Variants in SH3BP1 observed in about 807,000 individuals in gnomAD.
SH3BP1 encodes the protein SH3 domain-binding protein 1.
Under a neutral mutation model 69.8 loss-of-function variants are expected in SH3BP1, and 46 were observed. That is an observed-to-expected ratio of 0.66 (90% confidence interval 0.52 to 0.84). The LOEUF (loss-of-function observed/expected upper bound fraction) is 0.84. Ranked by LOEUF, SH3BP1 falls within the 40% of genes least tolerant of loss-of-function variation. The pLI, the probability that SH3BP1 is intolerant of heterozygous loss-of-function variation, is 0.00. For missense variants in SH3BP1, 868 were observed against 930.9 expected (o/e 0.93, Z 0.88); for synonymous variants, 403 against 378.0 (o/e 1.07, Z -0.77).
intron 10 of SH3BP1, among the ~76,000 whole-genome samples, chr22:37,646,288 TCG>T (rs1334028967): frequency 6.8e-6 from 1 of 148,066 alleles, no homozygotes. Context: ...AGACAGGATC[TCG>T]CTCTGTCACC....
intron 9 of SH3BP1, 200 bp downstream of exon 9, chr22:37,645,160 G>A: frequency 1.2e-6 from 1 of 818,388 alleles, no homozygotes; most frequent in Non-Finnish European, 1.9e-6. Context: ...CCAGGCCTGT[G>A]AGGCAGAAGG....
intron 16 of SH3BP1, among the ~76,000 whole-genome samples, chr22:37,653,527 G>A (rs1290079488): frequency 1.3e-5 from 2 of 152,110 alleles, no homozygotes; most frequent in African/African-American, 2.4e-5. Context: ...CAGGCAGGTG[G>A]GGCTCCCTCC....
intron 2 of SH3BP1, 46 bp downstream of exon 2, chr22:37,641,214 T>C: frequency 6.5e-7 from 1 of 1,538,326 alleles, no homozygotes; most frequent in Non-Finnish European, 8.8e-7. Flanking sequence ...CTGTGCAGGC[T>C]GTCTCGGAGC....
chr22:37,643,467 A>T, intron 6 of SH3BP1, 177 bp from the exon 7 acceptor site: 1 of 854,998 alleles, frequency 1.2e-6, no homozygotes, highest in Middle Eastern at 2.6e-4. Flanking sequence ...CAAATCTGCC[A>T]CCAGGGGGCA....
intron 16 of SH3BP1, among the ~76,000 whole-genome samples, chr22:37,651,889 G>C (rs1932886559): frequency 6.6e-6 from 1 of 151,886 alleles, no homozygotes; most frequent in African/African-American, 2.4e-5. Flanking sequence ...GGGGGAGCGT[G>C]GGGGCTACTT....
intron 16 of SH3BP1, among the ~76,000 whole-genome samples, chr22:37,652,694 G>A (rs1412420664): frequency 6.6e-6 from 1 of 150,938 alleles, no homozygotes; most frequent in Non-Finnish European, 1.5e-5. Flanking sequence ...GCATGGTAGT[G>A]CGCACCTGTA....
In SH3BP1 at chr22:37,650,181, T is replaced by C. The variant is rs764655947; in HGVS notation, c.1346T>C (p.Val449Ala). The C allele has an allele frequency of 2.5e-6, 4 of 1,614,122 alleles. No individual in the cohort carries two copies. Among genetic ancestry groups the C allele is most frequent in the Non-Finnish European group, 3.4e-6 (4 of 1,180,012 alleles). Residue 449 changes from valine (V) to alanine (A), a missense_variant, in exon 15 of 18, where the codon GTG becomes GCG. Val to Ala is a moderately conservative substitution (Grantham distance 64, BLOSUM62 0). Transcript: ENST00000649765. ...GDQAQLDAAS[V>A]SSIQVVGVVE... ...CAGGCCCAGCTGGATGCAGCCTCCG[T>C]GTCTTCCATCCAGGTGGTGGGCGTC...
Position 37,644,895 on chromosome 22 carries a change from A to G in SH3BP1, c.713A>G (p.His238Arg), listed in dbSNP as rs1601583291. 1.2e-6 allele frequency: 2 copies of G among 1,614,044 alleles called. No individual in the cohort carries two copies. Among genetic ancestry groups the G allele is most frequent in the South Asian group, 2.2e-5 (2 of 91,076 alleles). ...IRLLEIQADY[H>R]RRSLSSLDTA... ...CTCCTGGAGATTCAGGCCGATTACCATCGCAGGTCACTGAGCTCGCTGGAC... is the reference window on the plus strand; with the variant it reads ...CTCCTGGAGATTCAGGCCGATTACCGTCGCAGGTCACTGAGCTCGCTGGAC... Residue 238 changes from histidine to arginine, a missense_variant, in exon 9 of 18, where the codon CAT (histidine) becomes CGT (arginine). Transcript: ENST00000649765.
At chr22:37,643,524 G>A (rs1415923596) in intron 6 of SH3BP1, 120 bp from the exon 7 acceptor site, 3 of 1,400,838 alleles carry the variant, frequency 2.1e-6, no homozygotes, top group South Asian at 2.6e-5. Flanking sequence ...CCGGCCAGTG[G>A]AGCTCTCAGA....
At chr22:37,649,314 C>T (rs2146064443) in intron 14 of SH3BP1, among the ~76,000 whole-genome samples, 1 of 149,290 alleles carries the variant, frequency 6.7e-6, no homozygotes, top group South Asian at 2.1e-4. Context: ...TTAATGAGAC[C>T]CTGTCTCTAC....
Position 37,639,740 on chromosome 22 carries a change from G to A in SH3BP1, c.-48G>A. On this transcript the variant is annotated 5_prime_UTR_variant, in exon 1 of 18. Coordinates refer to ENST00000649765, the MANE Select transcript of SH3BP1 (RefSeq NM_018957.6). ...GGCAGGCTGGACCGGGGGCTCCCCG[G>A]GCCCGCGACCCCCGCCGTGACCCCG... 7.8e-7 allele frequency: 1 copy of A among 1,284,972 alleles called. No homozygotes were observed. 79.6% of individuals were successfully genotyped at this position (1,284,972 alleles called of 1,614,324 possible). A position where few individuals can be genotyped will look rare whatever the true frequency, so the allele number is the denominator to read the frequency against.
At chr22:37,646,263 CTTT>C (rs1273709050) in intron 10 of SH3BP1, among the ~76,000 whole-genome samples, 1 of 133,586 alleles carries the variant, frequency 7.5e-6, no homozygotes, top group Non-Finnish European at 1.6e-5. Flanking sequence ...GCGCCCGACC[CTTT>C]TTTTTTTTTT....
Position 37,656,063 on chromosome 22 carries a change from T to G in SH3BP1, c.*379T>G, listed in dbSNP as rs1430207179. 7.4e-7 allele frequency: 1 copy of G among 1,350,190 alleles called. No homozygotes were observed. Among genetic ancestry groups the G allele is most frequent in the Non-Finnish European group, 9.8e-7 (1 of 1,024,794 alleles). 83.6% of individuals were successfully genotyped at this position (1,350,190 alleles called of 1,614,324 possible). ...ACTGGAGCAGCTGCCCAAATGATAG[T>G]TTTATTTTCTGTCCTTGAAATAAAG... On this transcript the variant is annotated 3_prime_UTR_variant, in exon 18 of 18. Transcript: ENST00000649765.
intron 13 of SH3BP1, 66 bp from the exon 14 acceptor site, chr22:37,648,253 C>G: frequency 3.5e-6 from 4 of 1,140,224 alleles, no homozygotes; most frequent in Non-Finnish European, 5.2e-6. Flanking sequence ...TTTGGAAACC[C>G]TGGGCTGGAG....
At position 37,646,909 on chromosome 22, in the gene SH3BP1, C is replaced by T; in HGVS notation, c.1016C>T (p.Ser339Phe). 6.4e-7 allele frequency: 1 copy of T among 1,556,550 alleles called. No individual in the cohort carries two copies. The change falls in exon 11 of 18, where the codon TCC becomes TTC. Residue 339 changes from serine (S) to phenylalanine (F), a missense_variant. Transcript: ENST00000649765. ...SDPHSLEEFCSDPHAVAGALK... is the reference protein window; with the variant it reads ...SDPHSLEEFCFDPHAVAGALK... ...CCCCACAGCCTGGAGGAGTTCTGCT[C>T]CGACCCGCACGCTGTGGCAGGTGCC...
At chr22:37,643,520 A>C in intron 6 of SH3BP1, 124 bp from the exon 7 acceptor site, 3 of 1,365,472 alleles carry the variant, frequency 2.2e-6, no homozygotes, top group Non-Finnish European at 3.0e-6. Context: ...GGCCCCGGCC[A>C]GTGGAGCTCT....
At chr22:37,648,515 G>T in intron 14 of SH3BP1, 80 bp downstream of exon 14, 2 of 1,013,532 alleles carry the variant, frequency 2.0e-6, no homozygotes, top group Admixed American at 2.0e-5. Context: ...TTTTCCCCGG[G>T]GCCTTGGTGT....
At chr22:37,653,725 A>G in intron 16 of SH3BP1, 54 bp from the exon 17 acceptor site, 2 of 1,288,904 alleles carry the variant, frequency 1.6e-6, no homozygotes, top group Admixed American at 1.9e-5. Context: ...TCAGGATTCC[A>G]TGAGACTTCT....
At chr22:37,644,748 T>G (rs1163827765) in intron 8 of SH3BP1, 43 bp downstream of exon 8, 1 of 1,610,606 alleles carries the variant, frequency 6.2e-7, no homozygotes, top group South Asian at 1.1e-5. Context: ...GTTCAGGGGC[T>G]GAATGCCAGA....
Sources: allele counts gnomAD v4.1 joint callset (sites outside exome capture counted in the v4.1 genomes callset), GRCh38; gene constraint gnomAD v4.1.1; transcripts MANE v1.5; gene names NCBI Gene and HGNC (gene_info 2026-07-23, HGNC 2026-07-21).